The following ATP10A variants were observed in gnomAD, a reference collection of about 807,000 sequenced individuals.
The protein encoded by ATP10A is ATPase phospholipid transporting 10A (putative), also known as phospholipid-transporting ATPase VA.
Under a neutral mutation model 147.8 loss-of-function variants are expected in ATP10A, and 111 were observed. The ratio of observed to expected loss-of-function variants is 0.75; its 90% CI spans 0.64 to 0.88. ATP10A has a LOEUF of 0.88. Among genes scored for constraint, ATP10A ranks in the 40% least tolerant of loss-of-function variants. The probability of loss-of-function intolerance (pLI) is 0.00; values close to 1 mark genes in which losing one functional copy is unlikely to be tolerated. For missense variants in ATP10A, 1,927 were observed against 1,959.0 expected (o/e 0.98, Z 0.31); for synonymous variants, 875 against 841.6 (o/e 1.04, Z -0.69).
chr15:25,732,846 C>T lies in ATP10A; in HGVS notation c.740+3210G>A, dbSNP rs532689877. 9.2e-5 allele frequency among the ~76,000 whole-genome samples: 14 copies of T among 152,084 alleles called. No individual in the cohort carries two copies. The East Asian group carries it at 2.7e-3, about 30-fold the overall frequency. On this transcript the variant is annotated intron_variant, in intron 3 of 20. Coordinates refer to ENST00000555815, the MANE Select transcript of ATP10A (RefSeq NM_024490.4). ...CTGGGATTACAGGTGTGAGCCACCG[C>T]GCCCGGCCACGACACCTTCTAATTC...
intron 10 of ATP10A, among the ~76,000 whole-genome samples, chr15:25,712,607 A>C (rs559453785): frequency 3.6e-4 from 55 of 152,308 alleles, no homozygotes; most frequent in African/African-American, 1.3e-3. Flanking sequence ...TGTGGATGTA[A>C]ACAAGAATCG....
chr15:25,859,485 C>T (rs1452077654), intron 1 of ATP10A, among the ~76,000 whole-genome samples: 1 of 152,146 alleles, frequency 6.6e-6, no homozygotes, highest in Non-Finnish European at 1.5e-5. Context: ...ATCAGAGGGG[C>T]TTCCCACACC....
At chr15:25,714,489 T>TAAG in intron 9 of ATP10A, among the ~76,000 whole-genome samples, 1 of 151,798 alleles carries the variant, frequency 6.6e-6, no homozygotes. Flanking sequence ...ATAATAATAA[T>TAAG]AAAAAAAGAA....
At chr15:25,720,096 T>C (rs561640380) in intron 7 of ATP10A, among the ~76,000 whole-genome samples, 4 of 152,300 alleles carry the variant, frequency 2.6e-5, no homozygotes, top group Non-Finnish European at 4.4e-5. Context: ...ACTGTCAGAA[T>C]CTTTCTGTAA....
At chr15:25,829,621 G>C in intron 1 of ATP10A, among the ~76,000 whole-genome samples, 1 of 152,118 alleles carries the variant, frequency 6.6e-6, no homozygotes, top group East Asian at 1.9e-4. Flanking sequence ...AAACAGAGTA[G>C]GGACAGAGAT....
At chr15:25,673,900 C>T (rs1468534420), downstream of ATP10A, among the ~76,000 whole-genome samples, 1 of 152,176 alleles carries the variant, frequency 6.6e-6, no homozygotes, top group African/African-American at 2.4e-5. Context: ...CCTGCGTGTG[C>T]AGGTGCCGAG....
chr15:25,691,839 C>A (rs374552744), intron 14 of ATP10A, 48 bp from the exon 15 acceptor site: 116 of 1,604,606 alleles, frequency 7.2e-5, no homozygotes, highest in Non-Finnish European at 9.3e-5. Context: ...AGAAACAGCA[C>A]AGAATCAAAT....
intron 1 of ATP10A, among the ~76,000 whole-genome samples, chr15:25,845,119 G>A (rs1435785955): frequency 1.3e-5 from 2 of 152,188 alleles, no homozygotes; most frequent in East Asian, 1.9e-4. Flanking sequence ...GCCTCTCACA[G>A]AGCCCCTCTG....
At chr15:25,742,188 C>T (rs1298896631) in intron 2 of ATP10A, among the ~76,000 whole-genome samples, 1 of 152,228 alleles carries the variant, frequency 6.6e-6, no homozygotes, top group Non-Finnish European at 1.5e-5. Context: ...ACGTGGTTCT[C>T]GTCTCCACGG....
upstream of ATP10A, among the ~76,000 whole-genome samples, chr15:25,864,799 A>C (rs1481319270): frequency 6.6e-6 from 1 of 152,162 alleles, no homozygotes; most frequent in South Asian, 2.1e-4. Context: ...TGCAGTCTTG[A>C]GGCCTCACAT....
intron 2 of ATP10A, among the ~76,000 whole-genome samples, chr15:25,773,511 G>A (rs1469351774): frequency 6.6e-6 from 1 of 151,946 alleles, no homozygotes; most frequent in Non-Finnish European, 1.5e-5. Context: ...GGATTGCGTG[G>A]GCACCCCTCA....
At chr15:25,858,208 A>G (rs1283981709) in intron 1 of ATP10A, among the ~76,000 whole-genome samples, 2 of 152,310 alleles carry the variant, frequency 1.3e-5, no homozygotes, top group African/African-American at 4.8e-5. Context: ...CTTAAGAAGA[A>G]CTGGCGTGGT....
intron 16 of ATP10A, chr15:25,683,713 C>T: frequency 1.8e-6 from 1 of 561,148 alleles, no homozygotes; most frequent in Non-Finnish European, 3.2e-6. Context: ...GAAGAACTGG[C>T]AGTGGGAATT....
At chr15:25,733,862 C>T (rs1596783304) in intron 3 of ATP10A, among the ~76,000 whole-genome samples, 1 of 152,238 alleles carries the variant, frequency 6.6e-6, no homozygotes, top group Admixed American at 6.5e-5. Context: ...GTCCCTTTCT[C>T]GGGCAACATG....
intron 1 of ATP10A, among the ~76,000 whole-genome samples, chr15:25,796,576 A>T (rs115061050): frequency 0.014 from 2,158 of 152,342 alleles, 51 homozygotes; most frequent in African/African-American, 0.05. Flanking sequence ...CTCATGAGTC[A>T]TCGGGGAGCT....
chr15:25,725,093 G>A (rs1411821368), intron 5 of ATP10A, among the ~76,000 whole-genome samples: 2 of 152,126 alleles, frequency 1.3e-5, no homozygotes, highest in Non-Finnish European at 2.9e-5. Context: ...ATTCCCACCT[G>A]AGCCCCGTCT....
At chr15:25,705,798 A>T (rs957311411) in intron 12 of ATP10A, among the ~76,000 whole-genome samples, 3 of 152,230 alleles carry the variant, frequency 2.0e-5, no homozygotes, top group African/African-American at 7.2e-5. Flanking sequence ...GCGACGTGAG[A>T]TTCCTGAACA....
intron 7 of ATP10A, among the ~76,000 whole-genome samples, chr15:25,718,656 A>G (rs8024828): frequency 0.14 from 20,611 of 152,072 alleles, 1,874 homozygotes; most frequent in African/African-American, 0.25. Flanking sequence ...AAGGTCGCAC[A>G]ACTTAGGGGA....
At chr15:25,763,207 G>A (rs1341108125) in intron 2 of ATP10A, among the ~76,000 whole-genome samples, 1 of 152,176 alleles carries the variant, frequency 6.6e-6, no homozygotes, top group Non-Finnish European at 1.5e-5. Flanking sequence ...TTAACCTGCT[G>A]AGAATAAGGG....
Sources: allele counts gnomAD v4.1 joint callset (sites outside exome capture counted in the v4.1 genomes callset), GRCh38; gene constraint gnomAD v4.1.1; transcripts MANE v1.5; gene names NCBI Gene and HGNC (gene_info 2026-07-23, HGNC 2026-07-21).